The following PACRG variants were observed in gnomAD, a reference collection of about 807,000 sequenced individuals.
The protein encoded by PACRG is parkin coregulated.
Under a neutral mutation model 29.7 loss-of-function variants are expected in PACRG, and 29 were observed. That is an observed-to-expected ratio of 0.98 (90% CI 0.73 to 1.33). PACRG has a LOEUF of 1.33. Among genes scored for constraint, PACRG ranks in the 40% most tolerant of loss-of-function variants. PACRG has a pLI of 0.00. For synonymous variants in PACRG, 116 were observed against 118.7 expected (o/e 0.98, Z 0.15); for missense variants, 279 against 316.2 (o/e 0.88, Z 0.89).
chr6:163,275,811 T>G (rs1400838960), intron 4 of PACRG, among the ~76,000 whole-genome samples: 1 of 152,146 alleles, frequency 6.6e-6, no homozygotes, highest in Non-Finnish European at 1.5e-5. Flanking sequence ...TAGACCTGCC[T>G]CCTTATTAAT....
intron 4 of PACRG, among the ~76,000 whole-genome samples, chr6:163,220,768 A>G (rs1223924338): frequency 6.6e-6 from 1 of 152,218 alleles, no homozygotes; most frequent in Non-Finnish European, 1.5e-5. Context: ...GGAATGTCTA[A>G]TCATCATTAA....
intron 2 of PACRG, among the ~76,000 whole-genome samples, chr6:162,960,686 C>T (rs531125449): frequency 4.6e-5 from 7 of 152,198 alleles, no homozygotes; most frequent in African/African-American, 1.4e-4. Flanking sequence ...AATATATTCA[C>T]GTAGCAAATC....
chr6:162,903,638 A>C (rs907351978), intron 2 of PACRG, among the ~76,000 whole-genome samples: 2 of 152,166 alleles, frequency 1.3e-5, no homozygotes, highest in African/African-American at 4.8e-5. Context: ...GTTATCTCCC[A>C]CTGGGTCCCT....
At chr6:163,158,719 A>T (rs1448628586) in intron 4 of PACRG, among the ~76,000 whole-genome samples, 1 of 152,220 alleles carries the variant, frequency 6.6e-6, no homozygotes, top group Admixed American at 6.5e-5. Context: ...CTTGAATTAG[A>T]CATTACTAGG....
intron 4 of PACRG, among the ~76,000 whole-genome samples, chr6:163,163,039 C>T (rs995565854): frequency 2.6e-5 from 4 of 152,146 alleles, no homozygotes; most frequent in South Asian, 2.1e-4. Context: ...AACCAAGTTT[C>T]GTTAGGAAAT....
chr6:163,142,525 C>T (rs1027207371), intron 4 of PACRG, among the ~76,000 whole-genome samples: 10 of 152,160 alleles, frequency 6.6e-5, no homozygotes, highest in African/African-American at 2.4e-4. Context: ...ATTTTACAAT[C>T]AATTTTTTCT....
At chr6:163,247,484 C>T (rs1033403291) in intron 4 of PACRG, among the ~76,000 whole-genome samples, 1 of 150,826 alleles carries the variant, frequency 6.6e-6, no homozygotes, top group Admixed American at 6.6e-5. Flanking sequence ...AAATTGTCAT[C>T]ATGATGGATC....
chr6:163,055,539 C>T lies in PACRG; in HGVS notation c.292-6611C>T, dbSNP rs1314901611. ...CTGGAAGATATGTAAAAGGAATTTACATACAAAAAATCATCCTGTAGGAAG... is the reference window on the plus strand; with the variant it reads ...CTGGAAGATATGTAAAAGGAATTTATATACAAAAAATCATCCTGTAGGAAG... On this transcript the variant is annotated intron_variant, in intron 2 of 4. Coordinates refer to ENST00000366888, the MANE Select transcript of PACRG (RefSeq NM_001080379.2). This position sits in a 1 kb window ranked among gnomAD's most constrained non-coding sequence, Gnocchi z 4.0. Among the ~76,000 whole-genome samples, 1 of 152,112 alleles carries T rather than the reference C, an allele frequency of 6.6e-6. No homozygotes were observed. The highest frequency in any genetic ancestry group is 1.5e-5 in the Non-Finnish European group (1 of 68,000).
intron 4 of PACRG, among the ~76,000 whole-genome samples, chr6:163,195,009 T>C (rs1207022143): frequency 6.6e-6 from 1 of 152,106 alleles, no homozygotes; most frequent in African/African-American, 2.4e-5. Flanking sequence ...ACAGTGAGCC[T>C]CTCCTCCCTC....
At chr6:162,970,720 T>G (rs1801455869) in intron 2 of PACRG, among the ~76,000 whole-genome samples, 1 of 152,192 alleles carries the variant, frequency 6.6e-6, no homozygotes, top group Non-Finnish European at 1.5e-5. Context: ...AAATTAAAGT[T>G]GCCTACCATT....
chr6:163,227,416 TG>T (rs1781850272), intron 4 of PACRG, among the ~76,000 whole-genome samples: 1 of 152,126 alleles, frequency 6.6e-6, no homozygotes, highest in African/African-American at 2.4e-5. Flanking sequence ...CCTCCAACAC[TG>T]GGGATTCCAT....
At chr6:163,219,028 T>A (rs1379665495) in intron 4 of PACRG, among the ~76,000 whole-genome samples, 1 of 152,222 alleles carries the variant, frequency 6.6e-6, no homozygotes, top group African/African-American at 2.4e-5. Flanking sequence ...AGCAACCCTA[T>A]TCTAGTCCAT....
chr6:163,137,834 C>T (rs1816998115), intron 4 of PACRG, among the ~76,000 whole-genome samples: 1 of 152,270 alleles, frequency 6.6e-6, no homozygotes, highest in Admixed American at 6.5e-5. Flanking sequence ...CCTGGCGCCA[C>T]CGCGCACTGC....
At chr6:163,277,141 G>C (rs1007921884) in intron 4 of PACRG, among the ~76,000 whole-genome samples, 1 of 151,852 alleles carries the variant, frequency 6.6e-6, no homozygotes, top group Non-Finnish European at 1.5e-5. Context: ...TGGGGAACAG[G>C]TGGTGTTTGG....
chr6:163,297,204 G>A (rs1266501273), intron 4 of PACRG, among the ~76,000 whole-genome samples: 2 of 152,198 alleles, frequency 1.3e-5, no homozygotes, highest in Non-Finnish European at 2.9e-5. Flanking sequence ...ACTAAAGAGG[G>A]TGAACAAAAT....
chr6:162,991,951 G>A (rs879636914), intron 2 of PACRG, among the ~76,000 whole-genome samples: 50 of 119,830 alleles, frequency 4.2e-4, no homozygotes, highest in Non-Finnish European at 2.9e-4. Flanking sequence ...TAGCATGAAG[G>A]GTTGTTGAAT....
At chr6:162,774,906 A>G (rs9365490) in intron 1 of PACRG, among the ~76,000 whole-genome samples, 1 of 151,954 alleles carries the variant, frequency 6.6e-6, no homozygotes, top group Non-Finnish European at 1.5e-5. Flanking sequence ...GCTGCCTCTC[A>G]CCTATCTTTG....
chr6:162,931,792 T>G (rs192793695), intron 2 of PACRG, among the ~76,000 whole-genome samples: 28 of 152,118 alleles, frequency 1.8e-4, no homozygotes, highest in Non-Finnish European at 1.5e-5. Context: ...AATTGGAGCA[T>G]TCATCCACTG....
Position 163,009,058 on chromosome 6 carries a change from C to A in PACRG, c.292-53092C>A, listed in dbSNP as rs563810842. On this transcript the variant is annotated intron_variant, in intron 2 of 4. Transcript: ENST00000366888. ...TGATTATTTTTGTTTAGGTACTGGG[C>A]AAAATTACTCTGAATATAATGCTGT... Among the ~76,000 whole-genome samples, 234 of 152,242 alleles carry A rather than the reference C, an allele frequency of 1.5e-3. 1 individual carries two copies. Among genetic ancestry groups the A allele is most frequent in the African/African-American group, 5.5e-3 (227 of 41,540 alleles).
Sources: gnomAD v4.1 joint callset for allele counts (sites outside exome capture counted in the v4.1 genomes callset) on GRCh38, gnomAD v4.1.1 for gene constraint, Gnocchi (gnomAD v3.1) non-coding constraint, MANE v1.5 for transcripts, NCBI Gene and HGNC (gene_info 2026-07-23, HGNC 2026-07-21) for gene names.